LMBR1: variants seen among roughly 807,000 people sequenced by gnomAD.
The protein encoded by LMBR1 is limb development membrane protein 1.
Under a neutral mutation model 73.9 loss-of-function variants are expected in LMBR1, and 52 were observed. That is an observed-to-expected ratio of 0.70 (90% CI 0.56 to 0.89). The LOEUF (loss-of-function observed/expected upper bound fraction) is 0.89. Ranked by LOEUF, LMBR1 falls within the 40% of genes least tolerant of loss-of-function variation. LMBR1 has a pLI of 0.00. For missense variants in LMBR1, 539 were observed against 579.8 expected, an observed-to-expected ratio of 0.93 and a Z score of 0.72; for synonymous variants, 215 against 209.4, an observed-to-expected ratio of 1.03 and a Z score of -0.23.
At chr7:156,849,263 C>T (rs186984820) in intron 1 of LMBR1, among the ~76,000 whole-genome samples, 1 of 152,274 alleles carries the variant, frequency 6.6e-6, no homozygotes, top group East Asian at 1.9e-4. Flanking sequence ...AACACAAGAA[C>T]AGGAAACCAA....
intron 15 of LMBR1, among the ~76,000 whole-genome samples, chr7:156,707,536 T>G (rs1811218643): frequency 6.6e-6 from 1 of 152,104 alleles, no homozygotes; most frequent in South Asian, 2.1e-4. Flanking sequence ...CAGGCAGGTT[T>G]TATACCAGGA....
chr7:156,857,043 A>G (rs1400997159), intron 1 of LMBR1, among the ~76,000 whole-genome samples: 5 of 152,212 alleles, frequency 3.3e-5, no homozygotes, highest in African/African-American at 1.2e-4. Context: ...AAGAGAGGAA[A>G]GAAAACAGAC....
At chr7:156,775,661 G>C (rs991997007) in intron 5 of LMBR1, among the ~76,000 whole-genome samples, 4 of 151,918 alleles carry the variant, frequency 2.6e-5, no homozygotes, top group Non-Finnish European at 4.4e-5. Flanking sequence ...ACAATTATAG[G>C]GAATAATTCT....
intron 1 of LMBR1, among the ~76,000 whole-genome samples, chr7:156,842,790 G>A (rs1217190071): frequency 1.3e-5 from 2 of 152,104 alleles, no homozygotes; most frequent in Non-Finnish European, 2.9e-5. Flanking sequence ...AGCAGTGCTG[G>A]CAGCCTGGTG....
chr7:156,880,138 T>C lies in LMBR1; in HGVS notation c.66+12790A>G, dbSNP rs1304128416. ...TAACAAGTGGATATAGAAACTGTGG[T>C]ATATGTAACTATGGAATACTACCCA... is the stretch of plus-strand genomic sequence containing the variant. On this transcript the variant is annotated intron_variant, in intron 1 of 16. Coordinates refer to ENST00000353442, the MANE Select transcript of LMBR1 (RefSeq NM_022458.4). Among the ~76,000 whole-genome samples, 5 of 152,190 alleles carry C rather than the reference T, an allele frequency of 3.3e-5. 1 individual carries two copies. The highest frequency in any genetic ancestry group is 2.6e-4 in the Admixed American group (4 of 15,276).
intron 9 of LMBR1, among the ~76,000 whole-genome samples, chr7:156,741,779 G>A (rs1391592562): frequency 1.3e-5 from 2 of 152,100 alleles, no homozygotes; most frequent in Non-Finnish European, 2.9e-5. Flanking sequence ...AACTTAATCT[G>A]TACTGTACAA....
At chr7:156,861,203 G>A (rs981795333) in intron 1 of LMBR1, among the ~76,000 whole-genome samples, 10 of 152,218 alleles carry the variant, frequency 6.6e-5, no homozygotes, top group Non-Finnish European at 1.3e-4. Context: ...AAATCTAGGT[G>A]GAAATTCCTA....
chr7:156,890,242 A>G (rs1802656231), intron 1 of LMBR1, among the ~76,000 whole-genome samples: 1 of 152,248 alleles, frequency 6.6e-6, no homozygotes, highest in Non-Finnish European at 1.5e-5. Context: ...TAAAGCATTT[A>G]GAGAAAAGAA....
intron 10 of LMBR1, among the ~76,000 whole-genome samples, chr7:156,732,633 T>C (rs1178201678): frequency 6.6e-6 from 1 of 151,978 alleles, no homozygotes; most frequent in East Asian, 1.9e-4. Flanking sequence ...AGGCCAAAAA[T>C]AGTTGCTTCT....
intron 5 of LMBR1, among the ~76,000 whole-genome samples, chr7:156,777,036 ACT>A (rs1826277849): frequency 6.7e-6 from 1 of 148,366 alleles, no homozygotes; most frequent in African/African-American, 2.5e-5. Flanking sequence ...GGTTCACGCC[ACT>A]CTCCCGCCTC....
At chr7:156,674,823 T>A (rs998136436), downstream of LMBR1, among the ~76,000 whole-genome samples, 1 of 152,364 alleles carries the variant, frequency 6.6e-6, no homozygotes, top group Admixed American at 6.5e-5. Context: ...CCAGAAATTT[T>A]AAAATTACAT....
At chr7:156,732,037 T>G (rs901181453) in intron 10 of LMBR1, among the ~76,000 whole-genome samples, 9 of 151,876 alleles carry the variant, frequency 5.9e-5, no homozygotes, top group Non-Finnish European at 1.0e-4. Context: ...GCAGGATGAC[T>G]GAAGTAACTT....
At chr7:156,875,195 A>G (rs943156851) in intron 1 of LMBR1, among the ~76,000 whole-genome samples, 14 of 152,206 alleles carry the variant, frequency 9.2e-5, no homozygotes, top group Non-Finnish European at 1.8e-4. Context: ...AAGCAGAAGA[A>G]AGAACTTCAG....
chr7:156,842,719 A>G (rs1377711731), intron 1 of LMBR1, among the ~76,000 whole-genome samples: 3 of 152,208 alleles, frequency 2.0e-5, no homozygotes, highest in African/African-American at 4.8e-5. Context: ...TAATAGAAAT[A>G]AGAGTCAAGG....
chr7:156,690,340 A>C (rs1028382174), intron 15 of LMBR1, among the ~76,000 whole-genome samples: 1 of 152,246 alleles, frequency 6.6e-6, no homozygotes, highest in African/African-American at 2.4e-5. Flanking sequence ...CCAACGACTT[A>C]CTTTATGAAT....
intron 1 of LMBR1, among the ~76,000 whole-genome samples, chr7:156,888,176 T>C (rs890170812): frequency 5.3e-5 from 8 of 151,254 alleles, no homozygotes; most frequent in Non-Finnish European, 8.9e-5. Context: ...TTTGGGAGGC[T>C]GAGGCGGGCG....
At chr7:156,868,312 G>C (rs1288037400) in intron 1 of LMBR1, among the ~76,000 whole-genome samples, 1 of 151,288 alleles carries the variant, frequency 6.6e-6, no homozygotes, top group Non-Finnish European at 1.5e-5. Flanking sequence ...TCCTGCCTTA[G>C]CTTCCCAAGT....
intron 8 of LMBR1, among the ~76,000 whole-genome samples, chr7:156,759,442 G>C (rs1822555290): frequency 6.6e-6 from 1 of 152,168 alleles, no homozygotes; most frequent in Non-Finnish European, 1.5e-5. Context: ...CTCTGATCTT[G>C]TACAAGCTAC....
rs1586109430 is a variant in LMBR1, at chr7:156,833,693, AT to A, written c.179+59del. On this transcript the variant is annotated intron_variant, in intron 3 of 16. Coordinates refer to ENST00000353442, the MANE Select transcript of LMBR1 (RefSeq NM_022458.4). Reference sequence around the variant, plus strand: ...ACTTCTATCCAAAAATTAGAATTGGATTTTGAGAATTGATGACTTCAGAATC... The same window carrying A: ...ACTTCTATCCAAAAATTAGAATTGGATTTGAGAATTGATGACTTCAGAATC... 6 of 1,261,904 alleles carry A rather than the reference AT, an allele frequency of 4.8e-6. No individual in the cohort carries two copies. In the East Asian group the frequency reaches 1.4e-4, roughly 30 times the overall value. The allele number at this position is 1,261,904 out of a possible 1,614,324, so 78.2% of individuals were successfully genotyped here. A position where few individuals can be genotyped will look rare whatever the true frequency, so the allele number is the denominator to read the frequency against.
Sources: gnomAD v4.1 joint callset for allele counts (sites outside exome capture counted in the v4.1 genomes callset) on GRCh38, gnomAD v4.1.1 for gene constraint, MANE v1.5 for transcripts, NCBI Gene and HGNC (gene_info 2026-07-23, HGNC 2026-07-21) for gene names.